The following BTBD9 variants were observed in gnomAD, a reference collection of about 807,000 sequenced individuals.
BTBD9 encodes the protein BTB/POZ domain-containing protein 9.
A neutral mutation model predicts 64.3 loss-of-function variants in BTBD9; 49 were observed. The ratio of observed to expected loss-of-function variants is 0.76; its 90% CI spans 0.61 to 0.97. The LOEUF (loss-of-function observed/expected upper bound fraction) is 0.97, where lower values mean the gene tolerates loss of function less well. BTBD9 is among the 50% of genes least tolerant of loss of function. BTBD9 has a pLI of 0.00. For missense variants in BTBD9, 598 were observed against 762.1 expected, an observed-to-expected ratio of 0.78 and a Z score of 2.53; for synonymous variants, 260 against 274.7, an observed-to-expected ratio of 0.95 and a Z score of 0.53.
rs575782604 is a variant in BTBD9, at chr6:38,238,984, T to C, written c.1562+17425A>G. Among the ~76,000 whole-genome samples the C allele has an allele frequency of 1.2e-4, 19 of 152,278 alleles. No homozygotes were observed. In the South Asian group the frequency reaches 3.7e-3, roughly 30 times the overall value. Reference sequence around the variant, plus strand: ...CAAGTTTTTCAGGCTAACTTTCTAATGCCCTTGGCTGAAAGAAGGGGTCCA... The same window carrying C: ...CAAGTTTTTCAGGCTAACTTTCTAACGCCCTTGGCTGAAAGAAGGGGTCCA... On this transcript the variant is annotated intron_variant, in intron 9 of 10. Transcript: ENST00000481247.
chr6:38,515,376 A>G (rs1379982021), intron 6 of BTBD9, among the ~76,000 whole-genome samples: 1 of 152,208 alleles, frequency 6.6e-6, no homozygotes, highest in African/African-American at 2.4e-5. Context: ...GCAATGAGGC[A>G]AAATGCTGGG....
intron 7 of BTBD9, among the ~76,000 whole-genome samples, chr6:38,335,962 T>G (rs1279502600): frequency 1.3e-5 from 2 of 152,142 alleles, no homozygotes; most frequent in Non-Finnish European, 2.9e-5. Context: ...CTCAAACTAC[T>G]GACCTCAGGT....
chr6:38,563,776 C>CA (rs1775350348), intron 6 of BTBD9, among the ~76,000 whole-genome samples: 2 of 113,582 alleles, frequency 1.8e-5, no homozygotes, highest in Non-Finnish European at 3.5e-5. Flanking sequence ...GCCTATCTAA[C>CA]TTTTTTTTTT....
At chr6:38,568,970 T>C (rs1018336863) in intron 6 of BTBD9, among the ~76,000 whole-genome samples, 1 of 152,230 alleles carries the variant, frequency 6.6e-6, no homozygotes, top group Non-Finnish European at 1.5e-5. Context: ...TTGTCATTTA[T>C]GTATGTTCTC....
chr6:38,330,158 A>C (rs574881258), intron 7 of BTBD9, among the ~76,000 whole-genome samples: 1 of 151,854 alleles, frequency 6.6e-6, no homozygotes, highest in African/African-American at 2.4e-5. Flanking sequence ...GGGTTCAAGC[A>C]ATTCTCCTGC....
intron 8 of BTBD9, among the ~76,000 whole-genome samples, chr6:38,273,748 TA>T (rs1306488929): frequency 1.3e-5 from 2 of 152,130 alleles, no homozygotes; most frequent in African/African-American, 4.8e-5. Flanking sequence ...CTTACTGCCC[TA>T]GGAAACAAAA....
chr6:38,247,493 A>G (rs1319860373), intron 9 of BTBD9, among the ~76,000 whole-genome samples: 1 of 152,190 alleles, frequency 6.6e-6, no homozygotes, highest in Non-Finnish European at 1.5e-5. Flanking sequence ...TGACAGGGAG[A>G]CAGTCAAGGT....
intron 6 of BTBD9, among the ~76,000 whole-genome samples, chr6:38,552,976 A>C (rs2127449293): frequency 6.6e-6 from 1 of 152,264 alleles, no homozygotes; most frequent in Non-Finnish European, 1.5e-5. Context: ...GTATAGTATA[A>C]CCTACACACA....
chr6:38,202,716 A>G (rs1173399697), intron 9 of BTBD9, among the ~76,000 whole-genome samples: 3 of 152,178 alleles, frequency 2.0e-5, no homozygotes, highest in East Asian at 1.9e-4. Context: ...TCCATATGCA[A>G]ACTGGACCCC....
At chr6:38,324,627 C>T (rs1416323861) in intron 7 of BTBD9, among the ~76,000 whole-genome samples, 1 of 152,124 alleles carries the variant, frequency 6.6e-6, no homozygotes, top group Non-Finnish European at 1.5e-5. Context: ...GACCAGGAAT[C>T]ACAGCAGTGA....
At chr6:38,448,066 T>C (rs1562200695) in intron 6 of BTBD9, among the ~76,000 whole-genome samples, 1 of 152,194 alleles carries the variant, frequency 6.6e-6, no homozygotes, top group Non-Finnish European at 1.5e-5. Context: ...CAAGCCTTGT[T>C]ACAGTAATCA....
intron 9 of BTBD9, among the ~76,000 whole-genome samples, chr6:38,235,518 C>G (rs1018861031): frequency 8.5e-5 from 13 of 152,142 alleles, no homozygotes; most frequent in Admixed American, 7.9e-4. Flanking sequence ...GTACCACTGG[C>G]TGAAGTTTAA....
intron 1 of BTBD9, among the ~76,000 whole-genome samples, chr6:38,626,418 CTTGTTTGT>C (rs200008762): frequency 6.6e-6 from 1 of 151,798 alleles, no homozygotes; most frequent in Non-Finnish European, 1.5e-5. Context: ...TTCTTTTTTG[CTTGTTTGT>C]TTGTTTGTTT....
At chr6:38,331,997 G>A (rs1170553218) in intron 7 of BTBD9, among the ~76,000 whole-genome samples, 7 of 152,092 alleles carry the variant, frequency 4.6e-5, no homozygotes, top group Non-Finnish European at 1.0e-4. Context: ...GCCAAAAAAT[G>A]GTATTTTGTT....
intron 6 of BTBD9, among the ~76,000 whole-genome samples, chr6:38,456,600 C>A (rs1173250194): frequency 6.6e-6 from 1 of 152,098 alleles, no homozygotes; most frequent in South Asian, 2.1e-4. Context: ...CTGCATCACC[C>A]TAATGACTAA....
intron 6 of BTBD9, among the ~76,000 whole-genome samples, chr6:38,409,641 A>C (rs1299317634): frequency 6.6e-6 from 1 of 151,868 alleles, no homozygotes; most frequent in Non-Finnish European, 1.5e-5. Flanking sequence ...TGGCTAACAC[A>C]GTGAAACCCT....
At chr6:38,466,163 A>G (rs112784309) in intron 6 of BTBD9, among the ~76,000 whole-genome samples, 1 of 151,720 alleles carries the variant, frequency 6.6e-6, no homozygotes, top group Non-Finnish European at 1.5e-5. Context: ...TAAGATGTCT[A>G]ATTTATTAGC....
At chr6:38,609,725 C>T (rs532840583) in intron 1 of BTBD9, among the ~76,000 whole-genome samples, 1 of 152,344 alleles carries the variant, frequency 6.6e-6, no homozygotes, top group African/African-American at 2.4e-5. Flanking sequence ...TTTTGAACAA[C>T]ATTCATGGAA....
intron 7 of BTBD9, among the ~76,000 whole-genome samples, chr6:38,326,479 A>G (rs993062712): frequency 6.6e-6 from 1 of 152,182 alleles, no homozygotes; most frequent in African/African-American, 2.4e-5. Flanking sequence ...GCAAAAAAAG[A>G]CTAGGGAGGA....
Sources: allele counts gnomAD v4.1 joint callset (sites outside exome capture counted in the v4.1 genomes callset), GRCh38; gene constraint gnomAD v4.1.1; transcripts MANE v1.5; gene names NCBI Gene and HGNC (gene_info 2026-07-23, HGNC 2026-07-21).